The following CADM1 variants were observed in gnomAD, a reference collection of about 807,000 sequenced individuals.
CADM1 encodes the protein cell adhesion molecule 1.
CADM1 carries 15 observed loss-of-function variants against 53.1 expected under a neutral mutation model. That is an observed-to-expected ratio of 0.28 (90% CI 0.19 to 0.44). The LOEUF is 0.44. Ranked by LOEUF, CADM1 falls within the 20% of genes least tolerant of loss-of-function variation. The probability of loss-of-function intolerance (pLI) is 1.00; values close to 1 mark genes in which losing one functional copy is unlikely to be tolerated. For synonymous variants in CADM1, 281 were observed against 243.0 expected (o/e 1.16, Z -1.45); for missense variants, 434 against 611.3 (o/e 0.71, Z 3.06).
intron 5 of CADM1, 128 bp downstream of exon 5, chr11:115,228,985 T>A (rs767894328): frequency 1.4e-5 from 13 of 922,078 alleles, no homozygotes; most frequent in Admixed American, 2.1e-5. Flanking sequence ...AATAATCCTT[T>A]ATTTTTCTAG....
At chr11:115,496,088 A>G (rs1395102545) in intron 1 of CADM1, among the ~76,000 whole-genome samples, 1 of 152,206 alleles carries the variant, frequency 6.6e-6, no homozygotes, top group Non-Finnish European at 1.5e-5. Context: ...AATACAAACT[A>G]CCAAATGGAG....
intron 1 of CADM1, among the ~76,000 whole-genome samples, chr11:115,415,717 T>C (rs559325071): frequency 3.3e-4 from 50 of 149,636 alleles, no homozygotes; most frequent in Non-Finnish European, 6.2e-4. Context: ...GCACCTGTAG[T>C]TCCAGCTACT....
chr11:115,343,595 A>T (rs1184929457), intron 1 of CADM1, among the ~76,000 whole-genome samples: 1 of 152,126 alleles, frequency 6.6e-6, no homozygotes, highest in Non-Finnish European at 1.5e-5. Flanking sequence ...GAATCAGCAC[A>T]ATAAAAAGGG....
intron 3 of CADM1, among the ~76,000 whole-genome samples, chr11:115,235,098 G>C (rs1391313461): frequency 6.6e-6 from 1 of 151,246 alleles, no homozygotes; most frequent in Admixed American, 6.6e-5. Flanking sequence ...GAGTTGTTTG[G>C]TTTATAAAAT....
chr11:115,401,275 A>G (rs190753063), intron 1 of CADM1, among the ~76,000 whole-genome samples: 153 of 152,372 alleles, frequency 1.0e-3, no homozygotes, highest in African/African-American at 3.5e-3. Flanking sequence ...TTCCAGCTAT[A>G]TAACATCCTG....
rs11417765 is a variant in CADM1 at position 115,173,689 on chromosome 11, CTTTTTT to C, written c.*2779_*2784del. 1 of 453,898 alleles carries C rather than the reference CTTTTTT, an allele frequency of 2.2e-6. No individual in the cohort carries two copies. Among genetic ancestry groups the C allele is most frequent in the Non-Finnish European group, 2.9e-6 (1 of 348,076 alleles). The allele number at this position is 453,898 out of a possible 1,614,324, so 28.1% of individuals were successfully genotyped here. A position where few individuals can be genotyped will look rare whatever the true frequency, so the allele number is the denominator to read the frequency against. On this transcript the variant is annotated 3_prime_UTR_variant, in exon 12 of 12. Transcript: ENST00000331581. ...ATATTTTATAGTACTTCTTTTTTTT[CTTTTTT>C]TTTTTGTAAAAATGGTATACATGAA...
chr11:115,261,671 TTC>T (rs1381208658), intron 1 of CADM1, among the ~76,000 whole-genome samples: 1 of 152,226 alleles, frequency 6.6e-6, no homozygotes, highest in Non-Finnish European at 1.5e-5. Context: ...GTTTCTAAGT[TTC>T]TTTTTCTGAA....
chr11:115,393,145 C>G (rs1334984939), intron 1 of CADM1, among the ~76,000 whole-genome samples: 1 of 147,566 alleles, frequency 6.8e-6, no homozygotes, highest in Non-Finnish European at 1.5e-5. Context: ...ATTATATAGT[C>G]TTTAAAACAT....
chr11:115,311,850 G>A (rs1208988394), intron 1 of CADM1, among the ~76,000 whole-genome samples: 1 of 152,046 alleles, frequency 6.6e-6, no homozygotes, highest in African/African-American at 2.4e-5. Context: ...GCAGTGATGG[G>A]CAACAAAAAG....
At chr11:115,398,792 A>T (rs1201017842) in intron 1 of CADM1, among the ~76,000 whole-genome samples, 1 of 152,206 alleles carries the variant, frequency 6.6e-6, no homozygotes, top group African/African-American at 2.4e-5. Flanking sequence ...ATGACATTCA[A>T]GAAGATGGCT....
At chr11:115,178,184 G>A (rs894877868) in intron 11 of CADM1, among the ~76,000 whole-genome samples, 10 of 152,172 alleles carry the variant, frequency 6.6e-5, no homozygotes, top group African/African-American at 2.2e-4. Context: ...ATCAAACCAA[G>A]GCAGTCTTCT....
chr11:115,328,098 A>T (rs74743131), intron 1 of CADM1, among the ~76,000 whole-genome samples: 2,278 of 152,112 alleles, frequency 0.015, 59 homozygotes, highest in African/African-American at 0.051. Context: ...TTTCTGAGTT[A>T]ATTTTCCTAG....
intron 1 of CADM1, among the ~76,000 whole-genome samples, chr11:115,494,744 G>GT (rs1236275043): frequency 6.6e-6 from 1 of 152,118 alleles, no homozygotes; most frequent in South Asian, 2.1e-4. Context: ...AGGTATTGCT[G>GT]TTTTAATAAA....
chr11:115,363,711 C>G (rs1469117468), intron 1 of CADM1: 1 of 152,132 alleles, frequency 6.6e-6, no homozygotes, highest in Non-Finnish European at 1.5e-5. Flanking sequence ...GATTCTTGGA[C>G]TATTTTAGTG....
At chr11:115,354,273 G>A (rs1410076237) in intron 1 of CADM1, among the ~76,000 whole-genome samples, 1 of 152,138 alleles carries the variant, frequency 6.6e-6, no homozygotes, top group Non-Finnish European at 1.5e-5. Context: ...TATAAATTAA[G>A]CATGATTATT....
intron 1 of CADM1, among the ~76,000 whole-genome samples, chr11:115,340,648 A>ATTTTT (rs1565375142): frequency 7.9e-4 from 29 of 36,868 alleles, no homozygotes; most frequent in African/African-American, 3.0e-3. Context: ...ATATATATAT[A>ATTTTT]TATATATATA....
At chr11:115,387,049 C>G (rs17443832) in intron 1 of CADM1, among the ~76,000 whole-genome samples, 5,588 of 152,248 alleles carry the variant, frequency 0.037, 126 homozygotes, top group Middle Eastern at 0.075. Flanking sequence ...GCTAAGCAAG[C>G]CTCTGTCGTG....
chr11:115,292,419 G>A lies in CADM1; in HGVS notation c.125-51999C>T, dbSNP rs116438245. ...TGATTTCAATGGAAAACAAAAAGCA[G>A]TCAATTTCACATCTACATGCCTCAA... On this transcript the variant is annotated intron_variant, in intron 1 of 11. Transcript: ENST00000331581. 5.8e-3 allele frequency among the ~76,000 whole-genome samples: 880 copies of A among 152,286 alleles called. 11 individuals are homozygous for A. Among genetic ancestry groups the A allele is most frequent in the African/African-American group, 0.019 (808 of 41,554 alleles).
At chr11:115,239,333 G>A (rs916435334) in intron 2 of CADM1, among the ~76,000 whole-genome samples, 12 of 152,166 alleles carry the variant, frequency 7.9e-5, no homozygotes, top group Admixed American at 5.2e-4. Flanking sequence ...TCGAGCCTAC[G>A]GAGGCCTTAA....
Sources: allele counts gnomAD v4.1 joint callset (sites outside exome capture counted in the v4.1 genomes callset), GRCh38; gene constraint gnomAD v4.1.1; transcripts MANE v1.5; gene names NCBI Gene and HGNC (gene_info 2026-07-23, HGNC 2026-07-21).